Variants in ADAMTSL3 observed in about 807,000 individuals in gnomAD.
The protein encoded by ADAMTSL3 is ADAMTS-like protein 3.
Under a neutral mutation model 201.7 loss-of-function variants are expected in ADAMTSL3, and 128 were observed. The ratio of observed to expected loss-of-function variants is 0.63; its 90% CI spans 0.55 to 0.73. The LOEUF (loss-of-function observed/expected upper bound fraction) is 0.73. Among genes scored for constraint, ADAMTSL3 ranks in the 30% least tolerant of loss-of-function variants. The pLI is 0.00. For synonymous variants in ADAMTSL3, 738 were observed against 748.4 expected (o/e 0.99, Z 0.23); for missense variants, 1,990 against 2,119.6 (o/e 0.94, Z 1.20).
At position 83,818,767 on chromosome 15, in the gene ADAMTSL3, A is replaced by G. The variant is rs73439421; in HGVS notation, c.364-1044A>G. ...TGGTGGGCGGAATCAGTAATTTAGT[A>G]AAAAGACCGATGAGTCATCAATATT... On this transcript the variant is annotated intron_variant, in intron 5 of 29. Coordinates refer to ENST00000286744, the MANE Select transcript of ADAMTSL3 (RefSeq NM_207517.3). Among the ~76,000 whole-genome samples the G allele has an allele frequency of 8.5e-3, 1,300 of 152,328 alleles. 21 individuals carry two copies. Among genetic ancestry groups the G allele is most frequent in the African/African-American group, 0.03 (1,264 of 41,570 alleles).
chr15:83,753,920 G>C (rs1214245793), intron 3 of ADAMTSL3, among the ~76,000 whole-genome samples: 5 of 152,126 alleles, frequency 3.3e-5, no homozygotes, highest in Admixed American at 3.3e-4. Context: ...TTTATCTGAA[G>C]GTTGAAGATT....
intron 7 of ADAMTSL3, among the ~76,000 whole-genome samples, chr15:83,840,264 G>A (rs906534929): frequency 2.0e-5 from 3 of 152,156 alleles, no homozygotes; most frequent in African/African-American, 4.8e-5. Context: ...TGAGATGGGG[G>A]TGGCCAGCAA....
chr15:83,946,481 G>T (rs2066657189), intron 19 of ADAMTSL3, among the ~76,000 whole-genome samples: 1 of 152,184 alleles, frequency 6.6e-6, no homozygotes, highest in Admixed American at 6.5e-5. Context: ...GTTTTGCAAT[G>T]GTAGCTATTT....
At chr15:83,975,206 G>T (rs948815543) in intron 20 of ADAMTSL3, among the ~76,000 whole-genome samples, 1 of 151,746 alleles carries the variant, frequency 6.6e-6, no homozygotes, top group Non-Finnish European at 1.5e-5. Flanking sequence ...GTTTCACCAT[G>T]TTAGCCAGGA....
chr15:83,734,609 C>T (rs933539985), intron 3 of ADAMTSL3, among the ~76,000 whole-genome samples: 1 of 152,146 alleles, frequency 6.6e-6, no homozygotes, highest in Admixed American at 6.5e-5. Context: ...TCACACCTGC[C>T]GGTTCAGGTA....
intron 10 of ADAMTSL3, 77 bp from the exon 11 acceptor site, chr15:83,890,032 T>G: frequency 4.1e-6 from 6 of 1,471,056 alleles, no homozygotes; most frequent in African/African-American, 1.4e-5. Context: ...AAAAAAAAAG[T>G]GTGTGGCAAG....
chr15:83,840,479 C>T (rs537454314), intron 7 of ADAMTSL3, among the ~76,000 whole-genome samples: 8 of 152,266 alleles, frequency 5.3e-5, no homozygotes, highest in Admixed American at 3.9e-4. Context: ...AGACCAACAC[C>T]GTGTCAACAA....
At chr15:83,788,254 A>G (rs181973940) in intron 4 of ADAMTSL3, among the ~76,000 whole-genome samples, 100 of 152,238 alleles carry the variant, frequency 6.6e-4, no homozygotes, top group Non-Finnish European at 1.1e-3. Flanking sequence ...CTTCTGGAGA[A>G]TTCTTAACCT....
rs968785592 is a variant in ADAMTSL3 at position 84,038,629 on chromosome 15, G to T, written c.*823G>T. The T allele has an allele frequency of 1.3e-5, 2 of 152,576 alleles. No homozygotes were observed. The highest frequency in any genetic ancestry group is 4.8e-5 in the African/African-American group (2 of 41,430). The allele number at this position is 152,576 out of a possible 1,614,324, so 9.5% of individuals were successfully genotyped here. A position where few individuals can be genotyped will look rare whatever the true frequency, so the allele number is the denominator to read the frequency against. The stretch of plus-strand genomic sequence containing the variant: ...CAAACAGAAAACCAAAGCCTTATTA[G>T]ACCTAATTTATGCATAAAGTAGTAT... On this transcript the variant is annotated 3_prime_UTR_variant, in exon 30 of 30. Transcript: ENST00000286744.
intron 2 of ADAMTSL3, among the ~76,000 whole-genome samples, chr15:83,690,232 TA>T (rs1163089959): frequency 6.6e-6 from 1 of 152,160 alleles, no homozygotes; most frequent in African/African-American, 2.4e-5. Context: ...TTCATAATAA[TA>T]ATTTCACTTC....
At chr15:84,037,127 G>A in intron 29 of ADAMTSL3, 140 bp downstream of exon 29, 2 of 909,202 alleles carry the variant, frequency 2.2e-6, no homozygotes, top group Non-Finnish European at 3.3e-6. Context: ...AATGGATTTG[G>A]TAGCTTGGGA....
intron 3 of ADAMTSL3, among the ~76,000 whole-genome samples, chr15:83,734,813 A>G (rs1419871162): frequency 1.3e-5 from 2 of 152,044 alleles, no homozygotes; most frequent in East Asian, 3.9e-4. Context: ...ATTTTTGCCG[A>G]TGGTGGAAGC....
chr15:83,655,005 G>A (rs1321713316), intron 1 of ADAMTSL3, among the ~76,000 whole-genome samples: 2 of 152,200 alleles, frequency 1.3e-5, no homozygotes, highest in East Asian at 3.9e-4. Context: ...TGTGACCTCG[G>A]CTTTTCCAGT....
intron 7 of ADAMTSL3, among the ~76,000 whole-genome samples, chr15:83,857,939 G>A (rs2064775283): frequency 6.6e-6 from 1 of 152,178 alleles, no homozygotes. Flanking sequence ...TATCATATAT[G>A]AGCTTAGATT....
intron 19 of ADAMTSL3, among the ~76,000 whole-genome samples, chr15:83,944,050 A>T (rs775911076): frequency 6.6e-6 from 1 of 152,210 alleles, no homozygotes; most frequent in Non-Finnish European, 1.5e-5. Flanking sequence ...TCCTGGGCAG[A>T]TGGAGCGAGA....
chr15:83,816,577 C>T (rs2063775291), intron 5 of ADAMTSL3, among the ~76,000 whole-genome samples: 2 of 152,218 alleles, frequency 1.3e-5, no homozygotes, highest in South Asian at 4.1e-4. Flanking sequence ...CTCTTAGACA[C>T]TTTCCTTTGG....
At chr15:83,790,694 T>C (rs561567781) in intron 4 of ADAMTSL3, among the ~76,000 whole-genome samples, 12 of 152,240 alleles carry the variant, frequency 7.9e-5, no homozygotes, top group African/African-American at 2.9e-4. Context: ...ACTCTTACCA[T>C]AGGAGAAGAA....
At chr15:83,705,272 C>G (rs2061833779) in intron 3 of ADAMTSL3, among the ~76,000 whole-genome samples, 1 of 152,096 alleles carries the variant, frequency 6.6e-6, no homozygotes, top group African/African-American at 2.4e-5. Context: ...GTGGATCTGG[C>G]AGACCTCAGC....
chr15:83,880,499 C>T (rs778805252), intron 9 of ADAMTSL3, among the ~76,000 whole-genome samples: 12 of 152,178 alleles, frequency 7.9e-5, no homozygotes, highest in Non-Finnish European at 1.5e-4. Context: ...AGCCTGAAAA[C>T]CTAAAATGTT....
Sources: allele counts gnomAD v4.1 joint callset (sites outside exome capture counted in the v4.1 genomes callset), GRCh38; gene constraint gnomAD v4.1.1; transcripts MANE v1.5; gene names NCBI Gene and HGNC (gene_info 2026-07-23, HGNC 2026-07-21).